DLGAP2: variants seen among roughly 807,000 people sequenced by gnomAD.
DLGAP2 encodes the protein DLG associated protein 2.
DLGAP2 carries 26 observed loss-of-function variants against 100.3 expected under a neutral mutation model. The observed-to-expected ratio is 0.26, with a 90% CI of 0.19 to 0.36. DLGAP2 has a LOEUF of 0.36. Ranked by LOEUF, DLGAP2 falls within the 10% of genes least tolerant of loss-of-function variation. The pLI is 1.00. For missense variants in DLGAP2, 1,858 were observed against 1,453.2 expected, an observed-to-expected ratio of 1.28 and a Z score of -4.53; for synonymous variants, 886 against 630.1, an observed-to-expected ratio of 1.41 and a Z score of -6.08.
At chr8:797,470 G>C (rs960685884) in intron 1 of DLGAP2, among the ~76,000 whole-genome samples, 1 of 152,136 alleles carries the variant, frequency 6.6e-6, no homozygotes, top group Non-Finnish European at 1.5e-5. Context: ...ACTCCTGGCT[G>C]TTGGGAATTT....
intron 4 of DLGAP2, among the ~76,000 whole-genome samples, chr8:1,540,918 T>G (rs1022767308): frequency 8.5e-5 from 13 of 152,202 alleles, no homozygotes; most frequent in Admixed American, 5.9e-4. Flanking sequence ...AACATTTAAA[T>G]AAGAAAGTAC....
intron 3 of DLGAP2, among the ~76,000 whole-genome samples, chr8:1,437,164 G>A (rs1470713569): frequency 3.5e-5 from 5 of 142,830 alleles, no homozygotes; most frequent in Admixed American, 7.2e-5. Flanking sequence ...CAGCGCAGGC[G>A]CGTAAGGGTG....
Position 1,676,393 on chromosome 8 carries a change from G to A in DLGAP2, c.2203-140G>A, listed in dbSNP as rs528494346. ...GTGTGAATGCATTTCCCTCTCTGCG[G>A]TTTTACTGGGTCAAGTGCACCGCTG... On this transcript the variant is annotated intron_variant, in intron 10 of 14. Transcript: ENST00000637795. 2.4e-5 allele frequency: 20 copies of A among 822,724 alleles called. No homozygotes were observed. The East Asian group carries it at 2.7e-4, about 11-fold the overall frequency. 51.0% of individuals were successfully genotyped at this position (822,724 alleles called of 1,614,324 possible).
chr8:1,063,429 C>G (rs374465618), intron 2 of DLGAP2, among the ~76,000 whole-genome samples: 9 of 151,902 alleles, frequency 5.9e-5, no homozygotes, highest in Middle Eastern at 6.9e-3. Flanking sequence ...AACTTTGTAA[C>G]AAGTGACGGG....
intron 3 of DLGAP2, among the ~76,000 whole-genome samples, chr8:1,386,667 A>G (rs971051876): frequency 1.3e-5 from 2 of 152,182 alleles, no homozygotes; most frequent in Non-Finnish European, 2.9e-5. Flanking sequence ...ACCTGGACAG[A>G]GGAAGGTGCG....
chr8:1,029,474 G>A (rs969456888), intron 2 of DLGAP2, among the ~76,000 whole-genome samples: 1 of 152,198 alleles, frequency 6.6e-6, no homozygotes, highest in African/African-American at 2.4e-5. Flanking sequence ...ATCCAGCAGT[G>A]CTGAGAGGTT....
At chr8:1,264,751 G>A (rs1799418535) in intron 3 of DLGAP2, among the ~76,000 whole-genome samples, 1 of 152,154 alleles carries the variant, frequency 6.6e-6, no homozygotes, top group African/African-American at 2.4e-5. Flanking sequence ...CTTTAAGGAA[G>A]TGATATGGTT....
intron 2 of DLGAP2, among the ~76,000 whole-genome samples, chr8:1,170,115 G>A (rs1585118797): frequency 6.6e-6 from 1 of 152,084 alleles, no homozygotes; most frequent in Non-Finnish European, 1.5e-5. Flanking sequence ...TTTGTCAAAG[G>A]CCTTTTCTGC....
chr8:1,548,799 G>A lies in DLGAP2; in HGVS notation c.346G>A (p.Ala116Thr), dbSNP rs1269711770. The A allele has an allele frequency of 1.9e-6, 3 of 1,581,202 alleles. No homozygotes were observed. Among genetic ancestry groups the A allele is most frequent in the Admixed American group, 3.5e-5 (2 of 57,524 alleles). The change falls in exon 5 of 15, where the codon GCG becomes ACG. Residue 116 changes from alanine to threonine, a missense_variant. Physicochemically the swap from Ala to Thr is moderately conservative, Grantham distance 58. Transcript: ENST00000637795. Reference sequence around the variant, plus strand: ...CGAGCACCTGCACCACGGGCCCGACGCGCGGCCGCCCTACCTGCTGAGCCC... The same window carrying A: ...CGAGCACCTGCACCACGGGCCCGACACGCGGCCGCCCTACCTGCTGAGCCC... ...DCEHLHHGPD[A>T]RPPYLLSPAD...
At chr8:1,491,097 A>AAAAAAAAAACACTTTT (rs1799370087) in intron 3 of DLGAP2, among the ~76,000 whole-genome samples, 1 of 148,436 alleles carries the variant, frequency 6.7e-6, no homozygotes, top group Non-Finnish European at 1.5e-5. Flanking sequence ...AAAAAACCCA[A>AAAAAAAAAACACTTTT]AAATAAAATC....
chr8:1,456,685 G>C (rs957311290), intron 3 of DLGAP2, among the ~76,000 whole-genome samples: 1 of 151,306 alleles, frequency 6.6e-6, no homozygotes, highest in Non-Finnish European at 1.5e-5. Context: ...TTGAAGAGTT[G>C]TCTAGGATCC....
chr8:843,186 C>T (rs181600873), intron 1 of DLGAP2, among the ~76,000 whole-genome samples: 5 of 152,252 alleles, frequency 3.3e-5, no homozygotes, highest in Admixed American at 1.3e-4. Context: ...AAGCAGAATC[C>T]GGGAGAGCTT....
At chr8:837,212 G>GC (rs1329844175) in intron 1 of DLGAP2, among the ~76,000 whole-genome samples, 1 of 152,196 alleles carries the variant, frequency 6.6e-6, no homozygotes, top group East Asian at 1.9e-4. Flanking sequence ...CGGGCCGTGT[G>GC]CCCAGTGCTG....
intron 2 of DLGAP2, among the ~76,000 whole-genome samples, chr8:945,346 A>G (rs142085686): frequency 6.8e-4 from 104 of 152,332 alleles, no homozygotes; most frequent in Non-Finnish European, 1.4e-3. Context: ...GAATCAGGTC[A>G]TTGGCCTATG....
intron 13 of DLGAP2, among the ~76,000 whole-genome samples, chr8:1,696,019 A>C (rs895469207): frequency 2.6e-5 from 4 of 152,210 alleles, no homozygotes; most frequent in Non-Finnish European, 4.4e-5. Flanking sequence ...TGGGGGCCCC[A>C]GGTCCTGGCT....
chr8:1,271,451 T>G (rs1350656797), intron 3 of DLGAP2, among the ~76,000 whole-genome samples: 1 of 152,238 alleles, frequency 6.6e-6, no homozygotes, highest in African/African-American at 2.4e-5. Context: ...ATTTGTTGAT[T>G]ATTCACTTCA....
At chr8:1,381,389 T>C (rs1400598868) in intron 3 of DLGAP2, 1 of 152,212 alleles carries the variant, frequency 6.6e-6, no homozygotes, top group African/African-American at 2.4e-5. Context: ...AGTTTGGCAA[T>C]TTGAACTGAG....
At chr8:1,217,130 A>G (rs7386254) in intron 2 of DLGAP2, among the ~76,000 whole-genome samples, 88,922 of 151,858 alleles carry the variant, frequency 0.59, 28,357 homozygotes, top group African/African-American at 0.83. Flanking sequence ...CCTCAAATAG[A>G]CCCCAGTATC....
chr8:1,597,287 T>A (rs1796486995), intron 6 of DLGAP2, among the ~76,000 whole-genome samples: 1 of 152,228 alleles, frequency 6.6e-6, no homozygotes, highest in African/African-American at 2.4e-5. Context: ...TAGTTTGAAG[T>A]CAGCTGGTGT....
Sources: allele counts gnomAD v4.1 joint callset (sites outside exome capture counted in the v4.1 genomes callset), GRCh38; gene constraint gnomAD v4.1.1; transcripts MANE v1.5; gene names NCBI Gene and HGNC (gene_info 2026-07-23, HGNC 2026-07-21).